The following METTL9 variants were observed in gnomAD, a reference collection of about 807,000 sequenced individuals.
The protein encoded by METTL9 is protein-L-histidine N-pros-methyltransferase.
METTL9 carries 10 observed loss-of-function variants against 36.0 expected under a neutral mutation model. That is an observed-to-expected ratio of 0.28 (90% CI 0.17 to 0.47). The LOEUF is 0.47. METTL9 is among the 20% of genes least tolerant of loss of function. METTL9 has a pLI of 0.99. For synonymous variants in METTL9, 175 were observed against 149.7 expected, an observed-to-expected ratio of 1.17 and a Z score of -1.23; for missense variants, 246 against 383.5, an observed-to-expected ratio of 0.64 and a Z score of 3.00.
chr16:21,597,313 A>G, upstream of METTL9: 1 of 1,287,614 alleles, frequency 7.8e-7, no homozygotes, highest in Non-Finnish European at 1.0e-6. Flanking sequence ...CAGCTATTGA[A>G]TTTACTCTGC....
chr16:21,612,507 T>C (rs1261633635), intron 1 of METTL9, 138 bp from the exon 2 acceptor site: 1 of 750,128 alleles, frequency 1.3e-6, no homozygotes, highest in African/African-American at 1.8e-5. Flanking sequence ...GAAATGATTA[T>C]TCTCAGAGTA....
At chr16:21,620,521 CT>C (rs748132608) in intron 3 of METTL9, among the ~76,000 whole-genome samples, 17 of 152,164 alleles carry the variant, frequency 1.1e-4, no homozygotes, top group African/African-American at 1.7e-4. Context: ...CCCCAGCCTT[CT>C]TTTGCTTTGA....
At chr16:21,644,326 C>A in intron 4 of METTL9, 1 of 1,613,918 alleles carries the variant, frequency 6.2e-7, no homozygotes, top group South Asian at 1.1e-5. Flanking sequence ...ACACACCGGT[C>A]ACATAGACAG....
Position 21,613,262 on chromosome 16 carries a change from C to T in METTL9, c.356+427C>T, listed in dbSNP as rs1412387560. Among the ~76,000 whole-genome samples, 6 of 144,448 alleles carry T rather than the reference C, an allele frequency of 4.2e-5. No individual in the cohort carries two copies. The Admixed American group carries it at 4.4e-4, about 10-fold the overall frequency. 94.8% of individuals were successfully genotyped at this position (144,448 alleles called of 152,430 possible). ...GTGCAGTGGCAATCTGGGCTCACTG[C>T]AGCCTCCGCCTCCCGGGTTTAAGTA... On this transcript the variant is annotated intron_variant, in intron 2 of 4. Transcript: ENST00000358154.
At chr16:21,612,890 A>C (rs1451147295) in intron 2 of METTL9, 55 bp downstream of exon 2, 2 of 1,425,262 alleles carry the variant, frequency 1.4e-6, no homozygotes, top group Non-Finnish European at 9.4e-7. Flanking sequence ...TACAAAAGGA[A>C]AAACACAAAA....
intron 4 of METTL9, chr16:21,640,013 A>G (rs887021130): frequency 2.0e-5 from 3 of 152,060 alleles, no homozygotes; most frequent in Non-Finnish European, 4.4e-5. Context: ...ATCTCAGCTC[A>G]CTGCAACCTC....
At chr16:21,637,675 C>A (rs1437765327) in intron 4 of METTL9, among the ~76,000 whole-genome samples, 3 of 152,240 alleles carry the variant, frequency 2.0e-5, no homozygotes. Flanking sequence ...CCTGCTGAGC[C>A]CGTACACACC....
intron 2 of METTL9, among the ~76,000 whole-genome samples, chr16:21,614,506 ACT>A (rs1330513593): frequency 6.6e-6 from 1 of 150,714 alleles, no homozygotes; most frequent in Non-Finnish European, 1.5e-5. Context: ...CTTACTTAAA[ACT>A]CTTCTGCTTT....
At position 21,647,421 on chromosome 16, in the gene METTL9, C is replaced by T. The variant is rs116192352; in HGVS notation, c.752-7806C>T. 81 of 1,614,002 alleles carry T rather than the reference C, an allele frequency of 5.0e-5. 2 individuals are homozygous for T. The Middle Eastern group carries it at 1.3e-3, about 26-fold the overall frequency. ...GCGGAGAAGGTACACTTTATGGTGACGGCCTCATGAGTGTAGTCCACTTCT... is the reference window on the plus strand; with the variant it reads ...GCGGAGAAGGTACACTTTATGGTGATGGCCTCATGAGTGTAGTCCACTTCT... On this transcript the variant is annotated intron_variant, in intron 4 of 4. Transcript: ENST00000358154.
Position 21,599,661 on chromosome 16 carries a change from G to A in METTL9, c.-73G>A, listed in dbSNP as rs1965048007. ...TCGAGCTCGGGCGGTGGCGGCGGTGGCCGGAGGCGGCGGTGCCTCCTCCTC... is the reference window on the plus strand; with the variant it reads ...TCGAGCTCGGGCGGTGGCGGCGGTGACCGGAGGCGGCGGTGCCTCCTCCTC... On this transcript the variant is annotated 5_prime_UTR_variant, in exon 1 of 5. Transcript: ENST00000358154. The surrounding 1 kb of genome is among the most constrained non-coding windows in gnomAD (Gnocchi z 4.4). The A allele has an allele frequency of 3.7e-6, 5 of 1,353,440 alleles. No homozygotes were observed. The highest frequency in any genetic ancestry group is 4.7e-6 in the Non-Finnish European group (5 of 1,062,146). 83.8% of individuals were successfully genotyped at this position (1,353,440 alleles called of 1,614,324 possible). A position where few individuals can be genotyped will look rare whatever the true frequency, so the allele number is the denominator to read the frequency against.
intron 4 of METTL9, among the ~76,000 whole-genome samples, chr16:21,626,304 CA>C (rs1353799628): frequency 6.6e-6 from 1 of 152,164 alleles, no homozygotes; most frequent in African/African-American, 2.4e-5. Context: ...TAGGATTTTG[CA>C]AATGTCATTA....
At chr16:21,610,706 G>C (rs1448384369) in intron 1 of METTL9, among the ~76,000 whole-genome samples, 1 of 151,958 alleles carries the variant, frequency 6.6e-6, no homozygotes, top group African/African-American at 2.4e-5. Flanking sequence ...GTTCCTGCTT[G>C]GTTCTAGAAG....
chr16:21,619,587 ATTTT>A (rs35728063), intron 3 of METTL9, among the ~76,000 whole-genome samples: 1 of 124,224 alleles, frequency 8.0e-6, no homozygotes, highest in Admixed American at 8.9e-5. Flanking sequence ...TGCCCGGCTA[ATTTT>A]TTTTTTTTTT....
intron 4 of METTL9, among the ~76,000 whole-genome samples, chr16:21,627,915 TGCACTCCA>T (rs1965851291): frequency 6.6e-6 from 1 of 152,078 alleles, no homozygotes; most frequent in African/African-American, 2.4e-5. Context: ...ATTGCACCAC[TGCACTCCA>T]GCCTGGGTGA....
At chr16:21,643,147 CTCT>C (rs775752153) in intron 4 of METTL9, 15 of 1,604,416 alleles carry the variant, frequency 9.3e-6, no homozygotes, top group Non-Finnish European at 1.3e-5. Flanking sequence ...ACGCCGAGCA[CTCT>C]TCTTCTATAA....
chr16:21,637,042 C>T (rs938417449), intron 4 of METTL9, among the ~76,000 whole-genome samples: 8 of 152,140 alleles, frequency 5.3e-5, no homozygotes, highest in Non-Finnish European at 5.9e-5. Flanking sequence ...AAAGGTGGCA[C>T]GGACCCAAAG....
rs1395067532 is a variant in METTL9 at position 21,600,022 on chromosome 16, C to G, written c.165+124C>G. ...CGGCCCTCGCCCCTCCGCCTCGGCC[C>G]CTTGGAAAGTTTTCCCCGCGCCTTC... On this transcript the variant is annotated intron_variant, in intron 1 of 4. Transcript: ENST00000358154. The G allele has an allele frequency of 3.3e-6, 3 of 902,686 alleles. No individual in the cohort carries two copies. In the African/African-American group the frequency reaches 5.3e-5, roughly 16 times the overall value. The allele number at this position is 902,686 out of a possible 1,614,324, so 55.9% of individuals were successfully genotyped here. A position where few individuals can be genotyped will look rare whatever the true frequency, so the allele number is the denominator to read the frequency against.
intron 1 of METTL9, among the ~76,000 whole-genome samples, chr16:21,611,433 A>G (rs1343765794): frequency 6.6e-6 from 1 of 152,168 alleles, no homozygotes; most frequent in Non-Finnish European, 1.5e-5. Flanking sequence ...GTCAAGGGGA[A>G]GCAAATTACT....
chr16:21,607,912 G>A (rs997672840), intron 1 of METTL9, among the ~76,000 whole-genome samples: 1 of 152,182 alleles, frequency 6.6e-6, no homozygotes, highest in Non-Finnish European at 1.5e-5. Context: ...ACTTTGCGAG[G>A]CCGAGGCAGG....
Sources: allele counts gnomAD v4.1 joint callset (sites outside exome capture counted in the v4.1 genomes callset), GRCh38; gene constraint gnomAD v4.1.1; non-coding constraint Gnocchi (gnomAD v3.1); transcripts MANE v1.5; gene names NCBI Gene and HGNC (gene_info 2026-07-23, HGNC 2026-07-21).